CGNL1: variants seen among roughly 807,000 people sequenced by gnomAD.
CGNL1 encodes cingulin-like protein 1.
CGNL1 carries 132 observed loss-of-function variants against 141.2 expected under a neutral mutation model. The ratio of observed to expected loss-of-function variants is 0.93; its 90% CI spans 0.81 to 1.08. The LOEUF (loss-of-function observed/expected upper bound fraction) is 1.08, where lower values mean the gene tolerates loss of function less well. Among genes scored for constraint, CGNL1 ranks in the 50% least tolerant of loss-of-function variants. The pLI is 0.00. For synonymous variants in CGNL1, 690 were observed against 622.1 expected, an observed-to-expected ratio of 1.11 and a Z score of -1.63; for missense variants, 1,870 against 1,588.6, an observed-to-expected ratio of 1.18 and a Z score of -3.01.
intron 1 of CGNL1, among the ~76,000 whole-genome samples, chr15:57,379,507 G>A (rs1214250528): frequency 3.3e-5 from 5 of 152,140 alleles, no homozygotes; most frequent in African/African-American, 1.2e-4. Flanking sequence ...TGATGGGTGA[G>A]GGAGAGTTAA....
chr15:57,480,963 C>T (rs2063717400), intron 8 of CGNL1, among the ~76,000 whole-genome samples: 1 of 151,540 alleles, frequency 6.6e-6, no homozygotes, highest in African/African-American at 2.4e-5. Flanking sequence ...CCTTAATGAA[C>T]AGTACACCTT....
intron 1 of CGNL1, among the ~76,000 whole-genome samples, chr15:57,406,319 G>A (rs1384168259): frequency 6.6e-6 from 1 of 152,180 alleles, no homozygotes; most frequent in African/African-American, 2.4e-5. Context: ...AGAGCAGGAG[G>A]CTGCTGGGTG....
At chr15:57,432,549 T>C (rs1279574758) in intron 1 of CGNL1, among the ~76,000 whole-genome samples, 1 of 152,210 alleles carries the variant, frequency 6.6e-6, no homozygotes, top group African/African-American at 2.4e-5. Flanking sequence ...AGTGCCACAA[T>C]GTTGCATCCT....
At chr15:57,524,553 G>A in intron 11 of CGNL1, 28 bp from the exon 12 acceptor site, 1 of 1,596,100 alleles carries the variant, frequency 6.3e-7, no homozygotes, top group Non-Finnish European at 8.5e-7. Context: ...ATCCCAGGGT[G>A]GGCTCACACC....
At chr15:57,397,504 G>A (rs1354594692) in intron 1 of CGNL1, among the ~76,000 whole-genome samples, 2 of 151,936 alleles carry the variant, frequency 1.3e-5, no homozygotes, top group Admixed American at 1.3e-4. Flanking sequence ...ATTTTTTGAT[G>A]TACATTTTGT....
At chr15:57,528,036 C>T (rs1404069570) in intron 12 of CGNL1, among the ~76,000 whole-genome samples, 1 of 152,228 alleles carries the variant, frequency 6.6e-6, no homozygotes, top group Non-Finnish European at 1.5e-5. Context: ...AGGCGGGCAT[C>T]ACCTGAGTTG....
intron 13 of CGNL1, 143 bp downstream of exon 13, chr15:57,528,958 T>C (rs1567172182): frequency 1.2e-6 from 1 of 815,820 alleles, no homozygotes; most frequent in South Asian, 1.9e-5. Flanking sequence ...AGTGAGGTTA[T>C]TTCTTGATTG....
chr15:57,466,019 G>T (rs1220023244), intron 8 of CGNL1, among the ~76,000 whole-genome samples: 4 of 152,186 alleles, frequency 2.6e-5, no homozygotes, highest in African/African-American at 4.8e-5. Flanking sequence ...TATGTTATGT[G>T]GGGTTTCCTC....
chr15:57,411,094 C>T (rs933324023), intron 1 of CGNL1, among the ~76,000 whole-genome samples: 2 of 152,088 alleles, frequency 1.3e-5, no homozygotes, highest in Non-Finnish European at 2.9e-5. Flanking sequence ...TGATATTGGC[C>T]ATGTTTTCTT....
Position 57,461,902 on chromosome 15 carries a change from G to T in CGNL1, c.2403+10G>T. The stretch of plus-strand genomic sequence containing the variant: ...GGAAGAAGCAACCAAGGTGAGGGAT[G>T]GGGCAGGAGAATCTGGCTTGTGAAC... On this transcript the variant is annotated intron_variant, in intron 8 of 18. Coordinates refer to ENST00000281282, the MANE Select transcript of CGNL1 (RefSeq NM_032866.5). The T allele has an allele frequency of 6.2e-7, 1 of 1,609,440 alleles. No homozygotes were observed. The highest frequency in any genetic ancestry group is 8.5e-7 in the Non-Finnish European group (1 of 1,176,270).
Position 57,521,123 on chromosome 15 carries a change from C to G in CGNL1, c.2716-2366C>G, listed in dbSNP as rs1007050312. On this transcript the variant is annotated intron_variant, in intron 10 of 18. Coordinates refer to ENST00000281282, the MANE Select transcript of CGNL1 (RefSeq NM_032866.5). The stretch of plus-strand genomic sequence containing the variant: ...GTCTCTGTAGCTACAGAGCGTTTCA[C>G]TCCTGATACTGTCCACATGAAGGGT... Among the ~76,000 whole-genome samples the G allele has an allele frequency of 5.3e-5, 8 of 152,266 alleles. No individual in the cohort carries two copies. The South Asian group carries it at 1.7e-3, about 32-fold the overall frequency.
chr15:57,469,285 A>G (rs1363320584), intron 8 of CGNL1, among the ~76,000 whole-genome samples: 1 of 151,650 alleles, frequency 6.6e-6, no homozygotes, highest in Non-Finnish European at 1.5e-5. Context: ...TGTACTGGGA[A>G]TGGAAAGGCT....
chr15:57,469,267 A>G (rs2063549956), intron 8 of CGNL1, among the ~76,000 whole-genome samples: 2 of 151,694 alleles, frequency 1.3e-5, no homozygotes, highest in South Asian at 4.3e-4. Context: ...GGGTGCCTGG[A>G]AGGGGGCTGT....
chr15:57,491,537 T>C (rs911346080), intron 8 of CGNL1, among the ~76,000 whole-genome samples: 11 of 152,208 alleles, frequency 7.2e-5, no homozygotes, highest in Non-Finnish European at 1.0e-4. Context: ...TGTTAGCTGA[T>C]ACAATGAAAG....
intron 8 of CGNL1, among the ~76,000 whole-genome samples, chr15:57,475,111 C>G (rs1177373759): frequency 1.3e-5 from 2 of 152,198 alleles, no homozygotes; most frequent in African/African-American, 4.8e-5. Context: ...AGCCATCTCC[C>G]TATTTCCCCA....
At chr15:57,496,422 G>C (rs2063938835) in intron 8 of CGNL1, among the ~76,000 whole-genome samples, 1 of 152,080 alleles carries the variant, frequency 6.6e-6, no homozygotes, top group Non-Finnish European at 1.5e-5. Flanking sequence ...GCATGCGAGG[G>C]ATCTAGGTTG....
chr15:57,531,207 C>T (rs945219764), intron 13 of CGNL1, among the ~76,000 whole-genome samples: 2 of 152,162 alleles, frequency 1.3e-5, no homozygotes, highest in South Asian at 2.1e-4. Context: ...GGGAGTGCAT[C>T]GTGCAAATGC....
At chr15:57,484,720 C>T (rs1469921210) in intron 8 of CGNL1, among the ~76,000 whole-genome samples, 1 of 152,052 alleles carries the variant, frequency 6.6e-6, no homozygotes, top group Non-Finnish European at 1.5e-5. Context: ...CCCCTTACCC[C>T]CCAATCCACT....
intron 1 of CGNL1, among the ~76,000 whole-genome samples, chr15:57,429,182 A>C (rs1390084471): frequency 6.6e-6 from 1 of 152,200 alleles, no homozygotes; most frequent in Non-Finnish European, 1.5e-5. Flanking sequence ...GTATGCCCTG[A>C]GTTTGAGTAG....
Sources: gnomAD v4.1 joint callset for allele counts (sites outside exome capture counted in the v4.1 genomes callset) on GRCh38, gnomAD v4.1.1 for gene constraint, MANE v1.5 for transcripts, NCBI Gene and HGNC (gene_info 2026-07-23, HGNC 2026-07-21) for gene names.